Variants in SLCO6A1 observed in about 807,000 individuals in gnomAD.
SLCO6A1 encodes solute carrier organic anion transporter family member 6A1.
A neutral mutation model predicts 72.7 loss-of-function variants in SLCO6A1; 65 were observed. The ratio of observed to expected loss-of-function variants is 0.89; its 90% CI spans 0.73 to 1.10. The LOEUF (loss-of-function observed/expected upper bound fraction) is 1.10, where lower values mean the gene tolerates loss of function less well. Among genes scored for constraint, SLCO6A1 ranks in the 50% least tolerant of loss-of-function variants. The pLI is 0.00. For missense variants in SLCO6A1, 874 were observed against 872.6 expected (o/e 1.00, Z -0.02); for synonymous variants, 314 against 298.2 (o/e 1.05, Z -0.55).
chr5:102,443,152 G>A (rs1749934707), intron 6 of SLCO6A1, among the ~76,000 whole-genome samples: 1 of 152,060 alleles, frequency 6.6e-6, no homozygotes, highest in Non-Finnish European at 1.5e-5. Flanking sequence ...AGCTGAGATG[G>A]CACCACTGCA....
intron 7 of SLCO6A1, among the ~76,000 whole-genome samples, chr5:102,422,247 G>A (rs971452802): frequency 5.9e-5 from 9 of 152,110 alleles, no homozygotes; most frequent in Non-Finnish European, 1.0e-4. Flanking sequence ...TCACCAGCAA[G>A]GGAACACAAA....
In SLCO6A1 at chr5:102,458,896, T is replaced by C. The variant is rs1750879136; in HGVS notation, c.1022-405A>G. On this transcript the variant is annotated intron_variant, in intron 5 of 13. Coordinates refer to ENST00000506729, the MANE Select transcript of SLCO6A1 (RefSeq NM_173488.5). The stretch of plus-strand genomic sequence containing the variant: ...TTTGTGCCAATGAAATGTACTATAA[T>C]CAGGAGAGTTATTTGATTTCTTTGA... Among the ~76,000 whole-genome samples, 4 of 152,180 alleles carry C rather than the reference T, an allele frequency of 2.6e-5. No homozygotes were observed. In the South Asian group the frequency reaches 8.3e-4, roughly 31 times the overall value.
chr5:102,421,315 G>A (rs993882594), intron 7 of SLCO6A1, among the ~76,000 whole-genome samples: 1 of 152,052 alleles, frequency 6.6e-6, no homozygotes, highest in Non-Finnish European at 1.5e-5. Context: ...AGGGAGCCAA[G>A]TGGTCTTGCT....
intron 9 of SLCO6A1, among the ~76,000 whole-genome samples, chr5:102,404,225 G>C (rs1747548881): frequency 6.6e-6 from 1 of 152,218 alleles, no homozygotes; most frequent in South Asian, 2.1e-4. Context: ...GCTGGGTGTG[G>C]TGGCTCACGC....
intron 1 of SLCO6A1, among the ~76,000 whole-genome samples, chr5:102,485,571 A>G (rs1268055187): frequency 1.3e-5 from 2 of 152,216 alleles, no homozygotes; most frequent in African/African-American, 2.4e-5. Flanking sequence ...CTGACCATGA[A>G]GGCTCACGTA....
At chr5:102,467,088 C>G (rs1310575101) in intron 4 of SLCO6A1, among the ~76,000 whole-genome samples, 1 of 152,016 alleles carries the variant, frequency 6.6e-6, no homozygotes, top group Admixed American at 6.6e-5. Context: ...GAAATCTTTG[C>G]CCATGCCTAT....
intron 8 of SLCO6A1, among the ~76,000 whole-genome samples, chr5:102,418,620 C>A (rs900049011): frequency 6.6e-6 from 1 of 152,110 alleles, no homozygotes; most frequent in Non-Finnish European, 1.5e-5. Flanking sequence ...CTCTATGACA[C>A]AGCTTGTTGG....
At chr5:102,475,936 A>G in intron 3 of SLCO6A1, 143 bp from the exon 4 acceptor site, 1 of 493,012 alleles carries the variant, frequency 2.0e-6, no homozygotes, top group Non-Finnish European at 3.5e-6. Context: ...AACAAAATCA[A>G]TAAAAGACAG....
intron 4 of SLCO6A1, among the ~76,000 whole-genome samples, chr5:102,471,168 T>C (rs1228157657): frequency 7.2e-5 from 11 of 152,084 alleles, no homozygotes; most frequent in Admixed American, 7.2e-4. Context: ...TTAACAGGAT[T>C]GGTCATACTG....
At chr5:102,373,202 A>C in intron 13 of SLCO6A1, 135 bp downstream of exon 13, 1 of 463,346 alleles carries the variant, frequency 2.2e-6, no homozygotes, top group Non-Finnish European at 3.1e-6. Flanking sequence ...ATATTATTAT[A>C]TTTGCACTCA....
chr5:102,411,580 T>G (rs1747983595), intron 9 of SLCO6A1, among the ~76,000 whole-genome samples: 1 of 146,954 alleles, frequency 6.8e-6, no homozygotes, highest in Non-Finnish European at 1.5e-5. Context: ...GATGTGTTAT[T>G]GAGGACTAAG....
intron 4 of SLCO6A1, among the ~76,000 whole-genome samples, chr5:102,461,976 C>T (rs1231509495): frequency 1.3e-5 from 2 of 151,928 alleles, no homozygotes; most frequent in Non-Finnish European, 2.9e-5. Context: ...GCTAGAAAAC[C>T]ATAAAGACCC....
intron 6 of SLCO6A1, among the ~76,000 whole-genome samples, chr5:102,446,608 G>A (rs895427095): frequency 1.3e-5 from 2 of 152,154 alleles, no homozygotes; most frequent in East Asian, 1.9e-4. Flanking sequence ...AACAGGAGTG[G>A]TGAGAGAGGG....
At chr5:102,401,189 A>G (rs1299526194) in intron 9 of SLCO6A1, among the ~76,000 whole-genome samples, 3 of 152,104 alleles carry the variant, frequency 2.0e-5, no homozygotes, top group Non-Finnish European at 4.4e-5. Context: ...TTCAAGTAAA[A>G]AAAAAGGAAC....
chr5:102,432,243 T>C (rs1347337860), intron 7 of SLCO6A1, among the ~76,000 whole-genome samples: 2 of 152,228 alleles, frequency 1.3e-5, no homozygotes, highest in Non-Finnish European at 2.9e-5. Flanking sequence ...CATTCAAGGT[T>C]ACTATTGCTA....
chr5:102,419,245 G>A (rs1043693147), intron 8 of SLCO6A1, among the ~76,000 whole-genome samples: 1 of 152,116 alleles, frequency 6.6e-6, no homozygotes, highest in African/African-American at 2.4e-5. Context: ...GTTATTCTCA[G>A]TGAGAAGATT....
At chr5:102,474,670 T>C (rs1751804197) in intron 4 of SLCO6A1, among the ~76,000 whole-genome samples, 1 of 151,952 alleles carries the variant, frequency 6.6e-6, no homozygotes, top group African/African-American at 2.4e-5. Context: ...TTGCAAACCA[T>C]TATTGAAAAG....
chr5:102,429,499 T>A (rs1387264868), intron 7 of SLCO6A1, among the ~76,000 whole-genome samples: 1 of 152,110 alleles, frequency 6.6e-6, no homozygotes, highest in East Asian at 1.9e-4. Context: ...AAAGAGAGAG[T>A]CCAGTTTCAA....
chr5:102,433,017 C>G (rs561443483), intron 7 of SLCO6A1, among the ~76,000 whole-genome samples: 2 of 152,228 alleles, frequency 1.3e-5, no homozygotes, highest in Admixed American at 1.3e-4. Context: ...GTTTCAGAAA[C>G]CCAATCTTCA....
Sources: allele counts gnomAD v4.1 joint callset (sites outside exome capture counted in the v4.1 genomes callset), GRCh38; gene constraint gnomAD v4.1.1; transcripts MANE v1.5; gene names NCBI Gene and HGNC (gene_info 2026-07-23, HGNC 2026-07-21).